Variants in SHISA9 observed in about 807,000 individuals in gnomAD.
SHISA9 encodes the protein shisa family member 9, also known as protein shisa-9.
A neutral mutation model predicts 38.0 loss-of-function variants in SHISA9; 13 were observed. The observed-to-expected ratio is 0.34, with a 90% CI of 0.22 to 0.54. SHISA9 has a LOEUF of 0.54. SHISA9 is among the 20% of genes least tolerant of loss of function. SHISA9 has a pLI of 0.91. For missense variants in SHISA9, 538 were observed against 575.8 expected, an observed-to-expected ratio of 0.93 and a Z score of 0.67; for synonymous variants, 275 against 242.0, an observed-to-expected ratio of 1.14 and a Z score of -1.27.
chr16:13,407,120 G>T, the SHISA9 span, among the ~76,000 whole-genome samples: 2 of 144,500 alleles, frequency 1.4e-5, no homozygotes, highest in Admixed American at 6.9e-5. Flanking sequence ...GGCTGCTCTA[G>T]TCTATTCAAA....
the SHISA9 span, among the ~76,000 whole-genome samples, chr16:13,423,969 T>A: frequency 6.6e-6 from 1 of 152,218 alleles, no homozygotes; most frequent in Non-Finnish European, 1.5e-5. Context: ...AAGAGCTCTG[T>A]CCCTTTTAAG....
intron 2 of SHISA9, among the ~76,000 whole-genome samples, chr16:13,125,999 A>G (rs1455447066): frequency 6.6e-6 from 1 of 152,220 alleles, no homozygotes; most frequent in Non-Finnish European, 1.5e-5. Flanking sequence ...ATTAATAACT[A>G]TCTCAGAAAT....
intron 2 of SHISA9, among the ~76,000 whole-genome samples, chr16:12,919,510 A>C (rs779222460): frequency 2.6e-5 from 4 of 152,128 alleles, no homozygotes; most frequent in Non-Finnish European, 5.9e-5. Flanking sequence ...ATCTCCATCT[A>C]TTTCTCTCTT....
chr16:13,044,661 A>C (rs752307024), intron 2 of SHISA9, among the ~76,000 whole-genome samples: 24 of 152,318 alleles, frequency 1.6e-4, no homozygotes, highest in Non-Finnish European at 2.6e-4. Context: ...AGAAGGATCC[A>C]GGCAGAGGCT....
the SHISA9 span, among the ~76,000 whole-genome samples, chr16:13,531,860 G>C: frequency 6.6e-6 from 1 of 152,150 alleles, no homozygotes; most frequent in Non-Finnish European, 1.5e-5. Flanking sequence ...GGGCCTAAAT[G>C]AAAGCTATTA....
intron 2 of SHISA9, among the ~76,000 whole-genome samples, chr16:13,182,084 A>C (rs2050784033): frequency 6.6e-6 from 1 of 152,198 alleles, no homozygotes; most frequent in Non-Finnish European, 1.5e-5. Flanking sequence ...GCTCAGAGTA[A>C]ATATGTAAAG....
chr16:13,536,249 G>A, the SHISA9 span, among the ~76,000 whole-genome samples: 7 of 152,050 alleles, frequency 4.6e-5, no homozygotes, highest in Non-Finnish European at 7.3e-5. Flanking sequence ...CGTCCGTGTC[G>A]GACTCCCAAA....
chr16:13,422,217 A>G, the SHISA9 span, among the ~76,000 whole-genome samples: 110,700 of 152,098 alleles, frequency 0.73, 40,524 homozygotes, highest in Admixed American at 0.82. Flanking sequence ...GTGAGGCTCC[A>G]AGGATGTAAC....
At chr16:13,497,337 C>G in the SHISA9 span, among the ~76,000 whole-genome samples, 5 of 152,230 alleles carry the variant, frequency 3.3e-5, no homozygotes, top group Admixed American at 3.3e-4. Context: ...AAATATCTGT[C>G]TACCAAATCT....
At chr16:13,087,037 C>G (rs1461964848) in intron 2 of SHISA9, among the ~76,000 whole-genome samples, 2 of 130,598 alleles carry the variant, frequency 1.5e-5, no homozygotes, top group Non-Finnish European at 3.1e-5. Context: ...TTGTTCAATT[C>G]CCACCTATGA....
intron 2 of SHISA9, among the ~76,000 whole-genome samples, chr16:13,088,740 A>G (rs1268993082): frequency 6.6e-6 from 1 of 152,222 alleles, no homozygotes. Context: ...TAAATATACA[A>G]TCATGTCATC....
the SHISA9 span, among the ~76,000 whole-genome samples, chr16:13,453,386 A>G: frequency 6.6e-6 from 1 of 152,164 alleles, no homozygotes; most frequent in East Asian, 1.9e-4. Flanking sequence ...AATGTGAGCT[A>G]TTTTGTAAGA....
At chr16:13,427,972 G>A in the SHISA9 span, among the ~76,000 whole-genome samples, 4 of 152,172 alleles carry the variant, frequency 2.6e-5, no homozygotes, top group Admixed American at 2.6e-4. Flanking sequence ...TTCCAGAAGT[G>A]TATATGAGGT....
downstream of SHISA9, among the ~76,000 whole-genome samples, chr16:13,242,562 G>A (rs534071269): frequency 2.3e-4 from 35 of 152,334 alleles, no homozygotes; most frequent in African/African-American, 8.2e-4. Flanking sequence ...ATATTGAAAA[G>A]TTGTGTCCTA....
chr16:12,919,752 C>A (rs561775253), intron 2 of SHISA9, among the ~76,000 whole-genome samples: 1 of 152,168 alleles, frequency 6.6e-6, no homozygotes, highest in Admixed American at 6.5e-5. Flanking sequence ...TATCTAAAGA[C>A]GGATTTTTCT....
rs200836423 is a variant in SHISA9, at chr16:13,235,410, G to C, written c.*1G>C. 1.1e-3 allele frequency: 1,673 copies of C among 1,534,608 alleles called. 4 individuals are homozygous for C. The highest frequency in any genetic ancestry group is 1.3e-3 in the Non-Finnish European group (1,463 of 1,145,062). On this transcript the variant is annotated 3_prime_UTR_variant, in exon 5 of 5. Coordinates refer to ENST00000558583, the MANE Select transcript of SHISA9 (RefSeq NM_001145204.3). ...CAGCAAAACAGAAGTGACTGTCTGA[G>C]CTTTCACCACAGGGAGCACCCTGGA...
intron 2 of SHISA9, among the ~76,000 whole-genome samples, chr16:13,035,299 G>C (rs534405798): frequency 6.6e-6 from 1 of 152,248 alleles, no homozygotes; most frequent in South Asian, 2.1e-4. Flanking sequence ...GAGAATGATG[G>C]AGATTAAATG....
Position 13,187,592 on chromosome 16 carries a change from C to T in SHISA9, c.692-15802C>T, listed in dbSNP as rs867748876. Among the ~76,000 whole-genome samples the T allele has an allele frequency of 1.6e-4, 24 of 152,192 alleles. No homozygotes were observed. In the South Asian group the frequency reaches 1.9e-3, roughly 12 times the overall value. Reference sequence around the variant, plus strand: ...TCTAGTGATCCACCCACCCCTGCCTCCCAAAGTGCTGGGATTACGGGTGTG... The same window carrying T: ...TCTAGTGATCCACCCACCCCTGCCTTCCAAAGTGCTGGGATTACGGGTGTG... On this transcript the variant is annotated intron_variant, in intron 2 of 4. Transcript: ENST00000558583.
the SHISA9 span, among the ~76,000 whole-genome samples, chr16:13,251,664 G>C: frequency 6.6e-6 from 1 of 152,120 alleles, no homozygotes; most frequent in Non-Finnish European, 1.5e-5. Flanking sequence ...AGTACCTTGA[G>C]GTTGGCTTTT....
Sources: allele counts gnomAD v4.1 joint callset (sites outside exome capture counted in the v4.1 genomes callset), GRCh38; gene constraint gnomAD v4.1.1; transcripts MANE v1.5; gene names NCBI Gene and HGNC (gene_info 2026-07-23, HGNC 2026-07-21).